Variants in MAP4 observed in about 807,000 individuals in gnomAD.
MAP4 encodes the protein microtubule associated protein 4.
MAP4 carries 76 observed loss-of-function variants against 170.2 expected under a neutral mutation model. That is an observed-to-expected ratio of 0.45 (90% confidence interval 0.37 to 0.54). The LOEUF (loss-of-function observed/expected upper bound fraction) is 0.54. MAP4 is among the 20% of genes least tolerant of loss of function. MAP4 has a pLI of 0.00. For missense variants in MAP4, 2,506 were observed against 2,748.0 expected (o/e 0.91, Z 1.97); for synonymous variants, 909 against 994.5 (o/e 0.91, Z 1.62).
chr3:47,950,021 G>C (rs1014515739), intron 3 of MAP4, among the ~76,000 whole-genome samples: 6 of 152,066 alleles, frequency 3.9e-5, no homozygotes, highest in African/African-American at 1.4e-4. Flanking sequence ...TTTAACCCTC[G>C]GCTGGTGCCA....
intron 5 of MAP4, among the ~76,000 whole-genome samples, chr3:47,919,135 G>A (rs1376608650): frequency 6.6e-6 from 1 of 151,838 alleles, no homozygotes; most frequent in Non-Finnish European, 1.5e-5. Context: ...GTTTCACCAT[G>A]TTAGCCCGGA....
intron 17 of MAP4, among the ~76,000 whole-genome samples, chr3:47,863,811 A>C (rs1559803097): frequency 1.3e-5 from 2 of 151,218 alleles, no homozygotes. Flanking sequence ...ATCAAGGGGT[A>C]TGTCTGTCTG....
intron 1 of MAP4, among the ~76,000 whole-genome samples, chr3:48,060,219 T>C (rs936677009): frequency 2.0e-5 from 3 of 152,186 alleles, no homozygotes; most frequent in Non-Finnish European, 1.5e-5. Flanking sequence ...ACTCATTCTG[T>C]TGATCTTTCT....
intron 5 of MAP4, among the ~76,000 whole-genome samples, chr3:47,920,865 T>G (rs2100042452): frequency 6.6e-6 from 1 of 152,024 alleles, no homozygotes; most frequent in African/African-American, 2.4e-5. Context: ...AATGAAGAAG[T>G]AGAAAAATGT....
intron 13 of MAP4, 88 bp from the exon 14 acceptor site, chr3:47,871,374 A>C (rs767924926): frequency 7.7e-5 from 82 of 1,069,930 alleles, no homozygotes; most frequent in Non-Finnish European, 1.1e-4. Context: ...ATTATTTAAC[A>C]ATTACTGAAT....
At chr3:47,971,203 T>A (rs2100078531) in intron 3 of MAP4, among the ~76,000 whole-genome samples, 1 of 152,218 alleles carries the variant, frequency 6.6e-6, no homozygotes, top group Non-Finnish European at 1.5e-5. Flanking sequence ...TTCCAGGAAT[T>A]TGGTGGAGTT....
chr3:47,953,804 A>G (rs2100066056), intron 3 of MAP4, among the ~76,000 whole-genome samples: 1 of 152,154 alleles, frequency 6.6e-6, no homozygotes, highest in South Asian at 2.1e-4. Context: ...ACTTGAGGCC[A>G]GGAGTTCAAG....
At chr3:47,852,961 A>C (rs2045827939) in intron 20 of MAP4, 23 bp from the exon 21 acceptor site, 3 of 1,613,782 alleles carry the variant, frequency 1.9e-6, no homozygotes, top group Non-Finnish European at 2.5e-6. Context: ...GGGAGGAGGG[A>C]AGGGAGAGGG....
At chr3:48,023,668 T>C (rs546852534) in intron 1 of MAP4, among the ~76,000 whole-genome samples, 25 of 152,368 alleles carry the variant, frequency 1.6e-4, no homozygotes, top group African/African-American at 5.5e-4. Flanking sequence ...TGGTAGACAA[T>C]GACTTTCCCT....
chr3:47,900,771 C>T (rs1473169238), intron 10 of MAP4, among the ~76,000 whole-genome samples: 2 of 152,108 alleles, frequency 1.3e-5, no homozygotes, highest in Admixed American at 6.6e-5. Flanking sequence ...ACTCTAAAAA[C>T]TACAACTTGG....
intron 17 of MAP4, among the ~76,000 whole-genome samples, chr3:47,859,244 G>A (rs933523972): frequency 9.9e-5 from 15 of 152,196 alleles, no homozygotes; most frequent in African/African-American, 3.6e-4. Context: ...GGTACTGTGG[G>A]AGAGCCTGAC....
chr3:48,056,456 G>A (rs1351840947), intron 1 of MAP4, among the ~76,000 whole-genome samples: 7 of 76,130 alleles, frequency 9.2e-5, no homozygotes, highest in African/African-American at 2.1e-4. Context: ...TCAGCCCCCC[G>A]CCTGGCCAGC....
At chr3:48,006,032 C>T (rs548178692) in intron 1 of MAP4, among the ~76,000 whole-genome samples, 10 of 152,182 alleles carry the variant, frequency 6.6e-5, no homozygotes, top group Non-Finnish European at 8.8e-5. Context: ...TAATTAATCA[C>T]GGTATTCCTA....
chr3:47,859,085 T>A (rs556952608), intron 17 of MAP4, among the ~76,000 whole-genome samples: 2 of 151,876 alleles, frequency 1.3e-5, no homozygotes, highest in Non-Finnish European at 2.9e-5. Flanking sequence ...GCCGAGATCG[T>A]GCCACTGCAC....
chr3:48,044,114 G>C (rs2100123087), intron 1 of MAP4, among the ~76,000 whole-genome samples: 1 of 151,642 alleles, frequency 6.6e-6, no homozygotes, highest in Admixed American at 6.6e-5. Flanking sequence ...AAAGTGCTGG[G>C]AGTACAGGCG....
intron 1 of MAP4, among the ~76,000 whole-genome samples, chr3:48,031,368 G>T (rs149614358): frequency 1.3e-5 from 2 of 152,292 alleles, no homozygotes; most frequent in African/African-American, 4.8e-5. Context: ...TGGCTAACAT[G>T]GTGAAACCCT....
chr3:47,895,955 G>C (rs1275909051), intron 10 of MAP4, among the ~76,000 whole-genome samples: 2 of 152,044 alleles, frequency 1.3e-5, no homozygotes, highest in Non-Finnish European at 2.9e-5. Flanking sequence ...CCAAGCACTG[G>C]CTTCATAGTT....
Position 47,852,613 on chromosome 3 carries a change from C to T in MAP4, c.*321G>A. 1 of 855,180 alleles carries T rather than the reference C, an allele frequency of 1.2e-6. No homozygotes were observed. The highest frequency in any genetic ancestry group is 1.9e-5 in the South Asian group (1 of 53,154). 53.0% of individuals were successfully genotyped at this position (855,180 alleles called of 1,614,324 possible). On this transcript the variant is annotated 3_prime_UTR_variant, in exon 21 of 21. Transcript: ENST00000683076. Reference sequence around the variant, plus strand: ...TTAGCCTCAACCACCCCAACCCCCTCCCAACCTCCTCCACGGAGCAGTGGC... The same window carrying T: ...TTAGCCTCAACCACCCCAACCCCCTTCCAACCTCCTCCACGGAGCAGTGGC...
chr3:48,046,193 A>G (rs2100124512), intron 1 of MAP4, among the ~76,000 whole-genome samples: 3 of 151,982 alleles, frequency 2.0e-5, no homozygotes, highest in Admixed American at 2.0e-4. Flanking sequence ...CTGAACTTTC[A>G]TCTTTTTCGG....
Sources: gnomAD v4.1 joint callset for allele counts (sites outside exome capture counted in the v4.1 genomes callset) on GRCh38, gnomAD v4.1.1 for gene constraint, MANE v1.5 for transcripts, NCBI Gene and HGNC (gene_info 2026-07-23, HGNC 2026-07-21) for gene names.